The following CHM variants were observed in gnomAD, a reference collection of about 807,000 sequenced individuals.
The protein encoded by CHM is CHM Rab escort protein, also known as rab proteins geranylgeranyltransferase component A 1.
A neutral mutation model predicts 49.0 loss-of-function variants in CHM; 10 were observed. The ratio of observed to expected loss-of-function variants is 0.20; its 90% CI spans 0.13 to 0.35. The LOEUF is 0.35. CHM is among the 10% of genes least tolerant of loss of function. The probability of loss-of-function intolerance (pLI) is 1.00; values close to 1 mark genes in which losing one functional copy is unlikely to be tolerated. For synonymous variants in CHM, 184 were observed against 167.5 expected (o/e 1.10, Z -0.76); for missense variants, 455 against 478.4 (o/e 0.95, Z 0.46).
chrX:86,015,974 A>T (rs1933282648), intron 2 of CHM, among the ~76,000 whole-genome samples: 1 of 110,724 alleles, frequency 9.0e-6, no homozygotes, highest in Non-Finnish European at 1.9e-5. Flanking sequence ...CTCTACTGAA[A>T]ATACAAAAAT....
At chrX:85,875,126 G>A (rs1924334056) in intron 13 of CHM, among the ~76,000 whole-genome samples, 1 of 111,569 alleles carries the variant, frequency 9.0e-6, no homozygotes, top group African/African-American at 3.2e-5. Flanking sequence ...CCATGAGGAA[G>A]GTGAAAAACT....
intron 8 of CHM, among the ~76,000 whole-genome samples, chrX:85,915,129 T>C (rs1017131687): frequency 8.9e-6 from 1 of 111,882 alleles, no homozygotes; most frequent in African/African-American, 3.2e-5. Context: ...GTAAGAATTC[T>C]GGAAACCCTG....
intron 13 of CHM, among the ~76,000 whole-genome samples, chrX:85,874,378 A>C (rs1385526392): frequency 9.0e-6 from 1 of 111,625 alleles, no homozygotes; most frequent in Non-Finnish European, 1.9e-5. Flanking sequence ...ATGAATGTTT[A>C]TGAAGATTGC....
intron 8 of CHM, among the ~76,000 whole-genome samples, chrX:85,914,210 T>G (rs968806389): frequency 1.8e-5 from 2 of 110,541 alleles, no homozygotes; most frequent in Non-Finnish European, 3.8e-5. Context: ...CGGGAAGAGT[T>G]GCAGTGGAGC....
Position 86,034,621 on chromosome X carries a change from A to G in CHM, c.50-7064T>C, listed in dbSNP as rs1296285129. Among the ~76,000 whole-genome samples the G allele has an allele frequency of 5.4e-5, 6 of 110,821 alleles. No individual in the cohort carries two copies. The East Asian group carries it at 1.4e-3, about 26-fold the overall frequency. On this transcript the variant is annotated intron_variant, in intron 1 of 14. Transcript: ENST00000357749. Reference sequence around the variant, plus strand: ...CATAGTGAAACCCTGTCTCTACTAAAAATACAAAAATAGCCAGGCATGGTG... The same window carrying G: ...CATAGTGAAACCCTGTCTCTACTAAGAATACAAAAATAGCCAGGCATGGTG...
chrX:85,999,276 T>G (rs989463391), intron 2 of CHM, among the ~76,000 whole-genome samples: 28 of 111,700 alleles, frequency 2.5e-4, no homozygotes, highest in African/African-American at 8.8e-4. Flanking sequence ...TATATAAGAT[T>G]TAAAAATCAA....
At chrX:86,046,989 T>C (rs1603288626) in intron 1 of CHM, among the ~76,000 whole-genome samples, 1 of 111,753 alleles carries the variant, frequency 8.9e-6, no homozygotes, top group African/African-American at 3.2e-5. Context: ...TGGGCAATAA[T>C]TGAGCATCTT....
intron 4 of CHM, among the ~76,000 whole-genome samples, chrX:85,968,432 T>C (rs1321248389): frequency 1.8e-5 from 2 of 111,831 alleles, no homozygotes; most frequent in East Asian, 5.6e-4. Flanking sequence ...ACAAATACCC[T>C]TTTTCTCTTT....
At chrX:85,927,533 C>T (rs1928164558) in intron 8 of CHM, among the ~76,000 whole-genome samples, 1 of 112,273 alleles carries the variant, frequency 8.9e-6, no homozygotes, top group East Asian at 2.8e-4. Flanking sequence ...TACTTGTTTA[C>T]AAACTCGAGA....
At chrX:85,957,157 C>T (rs770010110) in intron 7 of CHM, among the ~76,000 whole-genome samples, 7 of 111,967 alleles carry the variant, frequency 6.3e-5, no homozygotes, top group East Asian at 5.6e-4. Flanking sequence ...AAAAAAATAT[C>T]GCTGCACTTC....
intron 12 of CHM, among the ~76,000 whole-genome samples, chrX:85,881,811 C>T (rs1232963816): frequency 9.0e-6 from 1 of 111,632 alleles, no homozygotes; most frequent in Non-Finnish European, 1.9e-5. Flanking sequence ...TGAAATTTTA[C>T]TTATTCTGTT....
At position 85,920,391 on chromosome X, in the gene CHM, C is replaced by T. The variant is rs746811878; in HGVS notation, c.1167-9053G>A. On this transcript the variant is annotated intron_variant, in intron 8 of 14. Coordinates refer to ENST00000357749, the MANE Select transcript of CHM (RefSeq NM_000390.4). ...GATTACAGGCGTGAGCCACCGTGCC[C>T]GGCCCAATAGTGGAAATCTTTTGTA... Among the ~76,000 whole-genome samples, 6 of 111,717 alleles carry T rather than the reference C, an allele frequency of 5.4e-5. 1 individual carries two copies. The South Asian group carries it at 1.5e-3, about 28-fold the overall frequency.
At chrX:85,878,405 G>C (rs1402608591) in intron 13 of CHM, among the ~76,000 whole-genome samples, 1 of 109,377 alleles carries the variant, frequency 9.1e-6, no homozygotes, top group Non-Finnish European at 1.9e-5. Context: ...GCTTGAACGT[G>C]GGAGGTGGAG....
intron 8 of CHM, among the ~76,000 whole-genome samples, chrX:85,932,074 T>C (rs184830218): frequency 2.7e-3 from 299 of 112,058 alleles, no homozygotes; most frequent in African/African-American, 9.4e-3. Flanking sequence ...TGTATCACTA[T>C]AGAAAATATC....
At chrX:85,964,152 T>A in intron 4 of CHM, 100 bp from the exon 5 acceptor site, 1 of 685,916 alleles carries the variant, frequency 1.5e-6, no homozygotes, top group Non-Finnish European at 2.1e-6. Flanking sequence ...ACTCAGACAT[T>A]AAACATTCAT....
chrX:85,957,867 C>G lies in CHM; in HGVS notation c.928G>C (p.Asp310His). The G allele has an allele frequency of 8.3e-7, 1 of 1,204,630 alleles. No homozygotes were observed. Among genetic ancestry groups the G allele is most frequent in the Non-Finnish European group, 1.1e-6 (1 of 891,210 alleles). Residue 310 changes from aspartate (D) to histidine (H), a missense_variant, in exon 7 of 15, where the codon GAT becomes CAT. Coordinates refer to ENST00000357749, the MANE Select transcript of CHM (RefSeq NM_000390.4). ...TFCMEYEKYP[D>H]EYKGYEEITF... ...ATGAAAAAAATACCTTTATATTCAT[C>G]AGGATATTTCTCATATTCCATACAA...
At chrX:85,924,310 T>C (rs1377715980) in intron 8 of CHM, among the ~76,000 whole-genome samples, 1 of 110,993 alleles carries the variant, frequency 9.0e-6, no homozygotes, top group Non-Finnish European at 1.9e-5. Context: ...GGGACATATA[T>C]AAGACATCAA....
At chrX:85,988,634 T>C (rs1932032865) in intron 2 of CHM, among the ~76,000 whole-genome samples, 1 of 111,892 alleles carries the variant, frequency 8.9e-6, no homozygotes, top group African/African-American at 3.3e-5. Flanking sequence ...CTTCAGCTGA[T>C]AAACAACTTC....
At chrX:85,899,593 C>T (rs1305411654) in intron 11 of CHM, among the ~76,000 whole-genome samples, 1 of 109,460 alleles carries the variant, frequency 9.1e-6, no homozygotes, top group African/African-American at 3.3e-5. Context: ...TTATTGCCAT[C>T]ATGTATTTTT....
Sources: allele counts gnomAD v4.1 joint callset (sites outside exome capture counted in the v4.1 genomes callset), GRCh38; gene constraint gnomAD v4.1.1; transcripts MANE v1.5; gene names NCBI Gene and HGNC (gene_info 2026-07-23, HGNC 2026-07-21).